The following PARD3 variants were observed in gnomAD, a reference collection of about 807,000 sequenced individuals.
PARD3 encodes par-3 family cell polarity regulator, also known as partitioning defective 3 homolog.
A neutral mutation model predicts 155.4 loss-of-function variants in PARD3; 75 were observed. The observed-to-expected ratio is 0.48, with a 90% CI of 0.40 to 0.58. The LOEUF (loss-of-function observed/expected upper bound fraction) is 0.58. Among genes scored for constraint, PARD3 ranks in the 20% least tolerant of loss-of-function variants. The pLI is 0.00. For synonymous variants in PARD3, 576 were observed against 610.5 expected (o/e 0.94, Z 0.83); for missense variants, 1,642 against 1,721.7 (o/e 0.95, Z 0.82).
chr10:34,764,812 CAGCTCTTATAGATA>C (rs1461911800), intron 1 of PARD3, among the ~76,000 whole-genome samples: 2 of 152,190 alleles, frequency 1.3e-5, no homozygotes, highest in Admixed American at 6.5e-5. Context: ...TTTTCTGAGA[CAGCTCTTATAGATA>C]AGCACCTGGC....
chr10:34,544,019 T>A (rs937237432), intron 2 of PARD3, among the ~76,000 whole-genome samples: 1 of 152,168 alleles, frequency 6.6e-6, no homozygotes. Flanking sequence ...ACAACAAGAC[T>A]TGGTTGACAA....
intron 2 of PARD3, among the ~76,000 whole-genome samples, chr10:34,657,981 C>T (rs1176608919): frequency 6.6e-6 from 1 of 152,026 alleles, no homozygotes; most frequent in Non-Finnish European, 1.5e-5. Flanking sequence ...CCTGTCTCTA[C>T]TGAAAATACA....
chr10:34,457,123 C>T (rs1355536469), intron 4 of PARD3, among the ~76,000 whole-genome samples: 2 of 152,082 alleles, frequency 1.3e-5, no homozygotes, highest in African/African-American at 4.8e-5. Context: ...TGTTAACGGT[C>T]TTATCAAACA....
At chr10:34,254,236 T>C (rs902247379) in intron 22 of PARD3, among the ~76,000 whole-genome samples, 65 of 151,922 alleles carry the variant, frequency 4.3e-4, no homozygotes, top group South Asian at 1.2e-3. Context: ...AAAAATTAGC[T>C]GGGCATGGTG....
intron 1 of PARD3, among the ~76,000 whole-genome samples, chr10:34,792,007 G>A (rs1349069806): frequency 6.6e-6 from 1 of 151,870 alleles, no homozygotes; most frequent in Non-Finnish European, 1.5e-5. Context: ...AATCTCTCCT[G>A]AGCCTCCCTC....
At chr10:34,637,460 G>T (rs2092520169) in intron 2 of PARD3, among the ~76,000 whole-genome samples, 1 of 152,228 alleles carries the variant, frequency 6.6e-6, no homozygotes, top group Non-Finnish European at 1.5e-5. Flanking sequence ...AAGTGATCCT[G>T]TGTATCAGGC....
intron 20 of PARD3, among the ~76,000 whole-genome samples, chr10:34,305,327 G>A (rs1477030642): frequency 6.6e-6 from 1 of 152,196 alleles, no homozygotes. Context: ...GGTAGTGAAA[G>A]GGAAACCCCA....
chr10:34,593,370 T>C (rs1400149127), intron 2 of PARD3, among the ~76,000 whole-genome samples: 1 of 152,226 alleles, frequency 6.6e-6, no homozygotes, highest in East Asian at 1.9e-4. Context: ...CACGAATTTA[T>C]ACCAGGTGTA....
chr10:34,118,529 G>A (rs1277924427), intron 24 of PARD3, among the ~76,000 whole-genome samples: 1 of 151,996 alleles, frequency 6.6e-6, no homozygotes, highest in Non-Finnish European at 1.5e-5. Flanking sequence ...ATTTTTTTAT[G>A]GAGATAGTGT....
At chr10:34,741,937 G>T (rs1403211595) in intron 1 of PARD3, among the ~76,000 whole-genome samples, 1 of 152,182 alleles carries the variant, frequency 6.6e-6, no homozygotes, top group African/African-American at 2.4e-5. Context: ...TTCTTAAAAT[G>T]TACAATATAA....
At chr10:34,262,131 T>A (rs61840229) in intron 22 of PARD3, among the ~76,000 whole-genome samples, 10,413 of 43,694 alleles carry the variant, frequency 0.24, 494 homozygotes, top group Non-Finnish European at 0.3. Flanking sequence ...GGGTTTGTAG[T>A]CAACTACATC....
intron 7 of PARD3, among the ~76,000 whole-genome samples, chr10:34,390,293 T>C (rs1842761246): frequency 6.6e-6 from 1 of 152,136 alleles, no homozygotes; most frequent in Non-Finnish European, 1.5e-5. Flanking sequence ...CCCAGATTCA[T>C]GATATAAGAG....
chr10:34,538,245 G>C (rs1486197893), intron 2 of PARD3, among the ~76,000 whole-genome samples: 1 of 152,208 alleles, frequency 6.6e-6, no homozygotes, highest in Non-Finnish European at 1.5e-5. Context: ...AGGGTTCCTA[G>C]CATCAAATAT....
chr10:34,651,011 CAAAAAAAAAAAAAAAAAAAAAAAA>C (rs60113552), intron 2 of PARD3, among the ~76,000 whole-genome samples: 34 of 44,544 alleles, frequency 7.6e-4, no homozygotes, highest in South Asian at 1.1e-3. Flanking sequence ...AACTCTGTCT[CAAAAAAAAAAAAAAAAAAAAAAAA>C]AAAAAAAAAA....
intron 14 of PARD3, among the ~76,000 whole-genome samples, chr10:34,352,375 A>G (rs1838189606): frequency 6.6e-6 from 1 of 151,592 alleles, no homozygotes; most frequent in Non-Finnish European, 1.5e-5. Flanking sequence ...TCCACTTTCC[A>G]TGGTCTCCCT....
intron 14 of PARD3, among the ~76,000 whole-genome samples, chr10:34,352,203 A>G (rs1008966255): frequency 1.3e-5 from 2 of 152,260 alleles, no homozygotes; most frequent in African/African-American, 4.8e-5. Flanking sequence ...AAAACTCAGC[A>G]TAATTCTCAT....
intron 2 of PARD3, among the ~76,000 whole-genome samples, chr10:34,553,658 A>G (rs2084770267): frequency 1.3e-5 from 2 of 152,198 alleles, no homozygotes; most frequent in Non-Finnish European, 2.9e-5. Flanking sequence ...AGCACAAAAC[A>G]AAAAGCAAGC....
At chr10:34,811,918 G>A (rs746465215) in intron 1 of PARD3, among the ~76,000 whole-genome samples, 5 of 152,264 alleles carry the variant, frequency 3.3e-5, no homozygotes, top group African/African-American at 4.8e-5. Flanking sequence ...GTCTAGCACC[G>A]CACTGTCCTC....
rs118149964 is a variant in PARD3 at position 34,287,800 on chromosome 10, C to T, written c.3066-3555G>A. Among the ~76,000 whole-genome samples the T allele has an allele frequency of 5.7e-3, 875 of 152,286 alleles. 8 individuals are homozygous for T. The highest frequency in any genetic ancestry group is 9.5e-3 in the Non-Finnish European group (644 of 68,028). ...TTCATACCTAAGGATTGCATATTTT[C>T]CCACTGTGTTTGGTATTAAAATATT... On this transcript the variant is annotated intron_variant, in intron 20 of 24. Transcript: ENST00000374788.
Sources: allele counts gnomAD v4.1 joint callset (sites outside exome capture counted in the v4.1 genomes callset), GRCh38; gene constraint gnomAD v4.1.1; transcripts MANE v1.5; gene names NCBI Gene and HGNC (gene_info 2026-07-23, HGNC 2026-07-21).